The following SGCZ variants were observed in gnomAD, a reference collection of about 807,000 sequenced individuals.
The protein encoded by SGCZ is sarcoglycan zeta.
A neutral mutation model predicts 41.3 loss-of-function variants in SGCZ; 40 were observed. The observed-to-expected ratio is 0.97, with a 90% CI of 0.75 to 1.26. The LOEUF (loss-of-function observed/expected upper bound fraction) is 1.26. Among genes scored for constraint, SGCZ ranks in the 50% most tolerant of loss-of-function variants. The pLI is 0.00. For missense variants in SGCZ, 552 were observed against 369.8 expected (o/e 1.49, Z -4.04); for synonymous variants, 206 against 137.5 (o/e 1.50, Z -3.49).
At chr8:14,232,339 A>G (rs1806601365) in intron 4 of SGCZ, among the ~76,000 whole-genome samples, 1 of 152,038 alleles carries the variant, frequency 6.6e-6, no homozygotes, top group Non-Finnish European at 1.5e-5. Flanking sequence ...ACTCTGCTAC[A>G]AAAGCTGTTT....
chr8:14,310,849 T>G (rs2217125), intron 3 of SGCZ, among the ~76,000 whole-genome samples: 152,055 of 152,186 alleles, frequency 1, 75,962 homozygotes, highest in Non-Finnish European at 1. Flanking sequence ...GAAAAACCAG[T>G]AGTAGCAAGC....
intron 1 of SGCZ, among the ~76,000 whole-genome samples, chr8:14,917,266 T>C (rs895959250): frequency 6.6e-6 from 1 of 151,642 alleles, no homozygotes; most frequent in Non-Finnish European, 1.5e-5. Flanking sequence ...TAATGTAATA[T>C]TTTAAATGTT....
intron 1 of SGCZ, among the ~76,000 whole-genome samples, chr8:15,122,558 C>T (rs577966320): frequency 2.6e-5 from 4 of 151,968 alleles, no homozygotes; most frequent in Non-Finnish European, 4.4e-5. Context: ...ATTTTAATAG[C>T]CCAATGTCTA....
intron 2 of SGCZ, among the ~76,000 whole-genome samples, chr8:14,538,429 A>T (rs1191647218): frequency 6.6e-6 from 1 of 151,940 alleles, no homozygotes; most frequent in Non-Finnish European, 1.5e-5. Context: ...CAAGAGTAGA[A>T]CATTCTAGAT....
At chr8:14,783,570 CATA>C (rs1364083788) in intron 1 of SGCZ, among the ~76,000 whole-genome samples, 3 of 149,210 alleles carry the variant, frequency 2.0e-5, no homozygotes, top group Admixed American at 6.7e-5. Context: ...ATAACTATAA[CATA>C]ATAATTTTTT....
chr8:14,744,802 G>A (rs917924907), intron 1 of SGCZ, among the ~76,000 whole-genome samples: 4 of 152,112 alleles, frequency 2.6e-5, no homozygotes, highest in African/African-American at 9.7e-5. Flanking sequence ...TGGCAATTAT[G>A]TACCAGCAGG....
At chr8:14,455,100 G>C (rs1055894080) in intron 2 of SGCZ, among the ~76,000 whole-genome samples, 3 of 152,096 alleles carry the variant, frequency 2.0e-5, no homozygotes, top group East Asian at 3.9e-4. Context: ...TAATAAGAGG[G>C]AGAAAATATA....
At chr8:14,456,606 G>A (rs534613252) in intron 2 of SGCZ, among the ~76,000 whole-genome samples, 1 of 152,210 alleles carries the variant, frequency 6.6e-6, no homozygotes, top group African/African-American at 2.4e-5. Context: ...CCTATTGAGG[G>A]GATGGAGATA....
chr8:15,141,992 G>A (rs1585606759), intron 1 of SGCZ, among the ~76,000 whole-genome samples: 1 of 152,226 alleles, frequency 6.6e-6, no homozygotes, highest in East Asian at 1.9e-4. Flanking sequence ...CCTGGGACAG[G>A]CACCGGCTGC....
intron 1 of SGCZ, among the ~76,000 whole-genome samples, chr8:14,722,016 T>C (rs1393654265): frequency 6.6e-6 from 1 of 152,194 alleles, no homozygotes; most frequent in Non-Finnish European, 1.5e-5. Flanking sequence ...ATCATTTCAT[T>C]GTGATCTTCT....
intron 1 of SGCZ, among the ~76,000 whole-genome samples, chr8:14,851,089 G>C (rs1425929918): frequency 4.6e-5 from 7 of 152,142 alleles, no homozygotes; most frequent in Admixed American, 3.3e-4. Context: ...TGTATTCAAG[G>C]CTGGGCGCAG....
intron 2 of SGCZ, among the ~76,000 whole-genome samples, chr8:14,408,479 T>C (rs1799270307): frequency 6.6e-6 from 1 of 152,050 alleles, no homozygotes; most frequent in Admixed American, 6.6e-5. Flanking sequence ...CTGCCCTCCA[T>C]TTACCCAGGT....
chr8:14,799,734 T>C (rs752874273), intron 1 of SGCZ, among the ~76,000 whole-genome samples: 4 of 152,094 alleles, frequency 2.6e-5, no homozygotes, highest in Non-Finnish European at 5.9e-5. Context: ...TCCAGCTGAA[T>C]CTACTCCTTT....
chr8:14,404,345 C>T (rs1158636984), intron 2 of SGCZ, among the ~76,000 whole-genome samples: 1 of 152,026 alleles, frequency 6.6e-6, no homozygotes, highest in Admixed American at 6.6e-5. Flanking sequence ...TTTTATGAAA[C>T]ACAATTCTTA....
chr8:14,383,620 TA>T (rs1241293315), intron 2 of SGCZ, among the ~76,000 whole-genome samples: 14 of 152,230 alleles, frequency 9.2e-5, no homozygotes, highest in Admixed American at 9.2e-4. Context: ...CACTTCACAC[TA>T]ACGCATTTCC....
At chr8:14,095,694 A>T (rs570823459) in intron 7 of SGCZ, among the ~76,000 whole-genome samples, 3 of 152,286 alleles carry the variant, frequency 2.0e-5, no homozygotes, top group South Asian at 2.1e-4. Context: ...TACTTTGGGT[A>T]GTATGGCCAT....
At chr8:14,948,113 C>A (rs1205603232) in intron 1 of SGCZ, among the ~76,000 whole-genome samples, 1 of 152,132 alleles carries the variant, frequency 6.6e-6, no homozygotes, top group Admixed American at 6.6e-5. Flanking sequence ...TGGTACTATT[C>A]TTTTCTTTAA....
At chr8:15,097,975 T>C (rs1173004197) in intron 1 of SGCZ, among the ~76,000 whole-genome samples, 2 of 150,382 alleles carry the variant, frequency 1.3e-5, no homozygotes, top group African/African-American at 4.9e-5. Flanking sequence ...TGGGTATTGC[T>C]CTAGCAAAAG....
chr8:14,874,360 C>T (rs1804270197), intron 1 of SGCZ, among the ~76,000 whole-genome samples: 1 of 152,032 alleles, frequency 6.6e-6, no homozygotes, highest in Admixed American at 6.6e-5. Context: ...GGACTTGGCT[C>T]ATAATTTTTC....
Sources: gnomAD v4.1 joint callset for allele counts (sites outside exome capture counted in the v4.1 genomes callset) on GRCh38, gnomAD v4.1.1 for gene constraint, MANE v1.5 for transcripts, NCBI Gene and HGNC (gene_info 2026-07-23, HGNC 2026-07-21) for gene names.